Variants in PRKCD observed in about 807,000 individuals in gnomAD.
PRKCD encodes the protein protein kinase C delta.
PRKCD carries 20 observed loss-of-function variants against 82.2 expected under a neutral mutation model. That is an observed-to-expected ratio of 0.24 (90% confidence interval 0.17 to 0.35). The LOEUF is 0.35. Among genes scored for constraint, PRKCD ranks in the 10% least tolerant of loss-of-function variants. The pLI, the probability that PRKCD is intolerant of heterozygous loss-of-function variation, is 1.00. For synonymous variants in PRKCD, 317 were observed against 337.0 expected, an observed-to-expected ratio of 0.94 and a Z score of 0.65; for missense variants, 607 against 899.0, an observed-to-expected ratio of 0.68 and a Z score of 4.15.
At chr3:53,170,164 G>T (rs1702970457) in intron 2 of PRKCD, among the ~76,000 whole-genome samples, 1 of 152,114 alleles carries the variant, frequency 6.6e-6, no homozygotes, top group Non-Finnish European at 1.5e-5. Context: ...AGAAAGAAGG[G>T]CTAAGGAGTA....
intron 1 of PRKCD, among the ~76,000 whole-genome samples, chr3:53,164,094 C>T (rs535307135): frequency 2.6e-5 from 4 of 152,264 alleles, no homozygotes; most frequent in African/African-American, 7.2e-5. Context: ...ATCTGGGGAG[C>T]AGAATCTTTC....
chr3:53,174,971 C>T (rs1328131793), intron 2 of PRKCD, among the ~76,000 whole-genome samples: 1 of 152,214 alleles, frequency 6.6e-6, no homozygotes, highest in Non-Finnish European at 1.5e-5. Context: ...TGGGCAGGTC[C>T]TGGGCTCTGC....
At chr3:53,163,785 C>A (rs1553663434) in intron 1 of PRKCD, among the ~76,000 whole-genome samples, 1 of 152,164 alleles carries the variant, frequency 6.6e-6, no homozygotes, top group Non-Finnish European at 1.5e-5. Flanking sequence ...CCCTTCCCAT[C>A]TCCTTGACCA....
intron 15 of PRKCD, among the ~76,000 whole-genome samples, chr3:53,188,220 G>A (rs1342245154): frequency 1.3e-4 from 9 of 68,316 alleles, no homozygotes; most frequent in Non-Finnish European, 3.0e-4. Context: ...AAAAAGGTGG[G>A]AGCGAGCTGC....
intron 14 of PRKCD, 40 bp downstream of exon 14, chr3:53,186,735 G>A: frequency 6.5e-7 from 1 of 1,541,442 alleles, no homozygotes; most frequent in Non-Finnish European, 8.9e-7. Flanking sequence ...CAGTGTGGAG[G>A]AAGGGCTACT....
chr3:53,179,390 A>C, intron 3 of PRKCD, 187 bp from the exon 4 acceptor site: 1 of 767,010 alleles, frequency 1.3e-6, no homozygotes, highest in Middle Eastern at 3.1e-4. Context: ...CAGCAGGAAC[A>C]AAGGCCTGGA....
chr3:53,161,455 G>A (rs1702653357), intron 1 of PRKCD, 27 bp downstream of exon 1: 1 of 151,840 alleles, frequency 6.6e-6, no homozygotes, highest in Admixed American at 6.6e-5. Context: ...TCCGGGCGCG[G>A]GATCGGGGCT....
Position 53,186,811 on chromosome 3 carries a change from G to A in PRKCD, c.1352+116G>A, listed in dbSNP as rs565886189. ...CCCTCTCCCTAGAAAAGCCAGCCTGGGCTAGAGCGGCAACTGGGGAGATGT... is the reference window on the plus strand; with the variant it reads ...CCCTCTCCCTAGAAAAGCCAGCCTGAGCTAGAGCGGCAACTGGGGAGATGT... On this transcript the variant is annotated intron_variant, in intron 14 of 18. Transcript: ENST00000330452. 30 of 1,090,074 alleles carry A rather than the reference G, an allele frequency of 2.8e-5. No homozygotes were observed. In the African/African-American group the frequency reaches 4.4e-4, roughly 16 times the overall value. The allele number at this position is 1,090,074 out of a possible 1,614,324, so 67.5% of individuals were successfully genotyped here. A position where few individuals can be genotyped will look rare whatever the true frequency, so the allele number is the denominator to read the frequency against.
chr3:53,179,139 C>T (rs1703326906), intron 3 of PRKCD, among the ~76,000 whole-genome samples: 1 of 152,248 alleles, frequency 6.6e-6, no homozygotes, highest in Non-Finnish European at 1.5e-5. Context: ...GCCTTGCCCT[C>T]TTCAGTCTCA....
chr3:53,176,246 G>A (rs1048895701), intron 2 of PRKCD, among the ~76,000 whole-genome samples: 2 of 152,122 alleles, frequency 1.3e-5, no homozygotes, highest in East Asian at 1.9e-4. Flanking sequence ...CACTGAGTAG[G>A]AGCCAGGGCC....
chr3:53,187,463 C>T (rs925369899), intron 15 of PRKCD, 61 bp downstream of exon 15: 42 of 1,561,498 alleles, frequency 2.7e-5, no homozygotes, highest in Non-Finnish European at 3.3e-5. Context: ...ATCATATCTT[C>T]TGAAATGCTC....
At chr3:53,161,850 C>T (rs1304086862) in intron 1 of PRKCD, among the ~76,000 whole-genome samples, 1 of 141,998 alleles carries the variant, frequency 7.0e-6, no homozygotes, top group African/African-American at 2.7e-5. Context: ...TGCTCCATCG[C>T]CCCACCCCCA....
At chr3:53,191,172 C>T (rs1338017680) in intron 18 of PRKCD, among the ~76,000 whole-genome samples, 2 of 152,292 alleles carry the variant, frequency 1.3e-5, no homozygotes, top group South Asian at 2.1e-4. Flanking sequence ...GAGGCTGAGG[C>T]AGGCAGATCA....
Position 53,178,533 on chromosome 3 carries a change from C to T in PRKCD, c.111C>T (p.Ser37=), listed in dbSNP as rs1703301617. ...CCGTGAAGATGAAGGAGGCGCTCAG[C>T]ACAGGTAGGCCTGGAGGCTGGACCC... is the stretch of plus-strand genomic sequence containing the variant. ...FCAVKMKEAL[S]TERGKTLVQK... The change falls in exon 3 of 19, where the codon AGC becomes AGT. Residue 37 remains serine (S), a synonymous_variant. Coordinates refer to ENST00000330452, the MANE Select transcript of PRKCD (RefSeq NM_006254.4). The T allele has an allele frequency of 6.2e-7, 1 of 1,612,074 alleles. No homozygotes were observed. The highest frequency in any genetic ancestry group is 2.2e-5 in the East Asian group (1 of 44,850).
Position 53,183,108 on chromosome 3 carries a change from G to A in PRKCD, c.572-13G>A. The A allele has an allele frequency of 2.5e-6, 4 of 1,614,056 alleles. No individual in the cohort carries two copies. Among genetic ancestry groups the A allele is most frequent in the Middle Eastern group, 1.6e-4 (1 of 6,062 alleles). On this transcript the variant is annotated splice_polypyrimidine_tract_variant and intron_variant, in intron 7 of 18. Transcript: ENST00000330452. Reference sequence around the variant, plus strand: ...GCTTTCCCTTCCCCCTCCTGGGCCTGTGCCTCTTCAAGAATGTAACGCTGC... The same window carrying A: ...GCTTTCCCTTCCCCCTCCTGGGCCTATGCCTCTTCAAGAATGTAACGCTGC...
rs1272424523 is a variant in PRKCD at position 53,169,320 on chromosome 3, C to T, written c.-20+4105C>T. Among the ~76,000 whole-genome samples, 1 of 152,028 alleles carries T rather than the reference C, an allele frequency of 6.6e-6. No individual in the cohort carries two copies. Among genetic ancestry groups the T allele is most frequent in the South Asian group, 2.1e-4 (1 of 4,826 alleles). Reference sequence around the variant, plus strand: ...TCTGGGCCCAAAGTAGAGACGGGAGCCTAAAGCCAGGATTGGGGAGGAGAG... The same window carrying T: ...TCTGGGCCCAAAGTAGAGACGGGAGTCTAAAGCCAGGATTGGGGAGGAGAG... On this transcript the variant is annotated intron_variant, in intron 2 of 18. Coordinates refer to ENST00000330452, the MANE Select transcript of PRKCD (RefSeq NM_006254.4). The surrounding 1 kb of genome is among the most constrained non-coding windows in gnomAD (Gnocchi z 4.7).
chr3:53,168,389 TGAG>T (rs1324393348), intron 2 of PRKCD, among the ~76,000 whole-genome samples: 4 of 151,676 alleles, frequency 2.6e-5, no homozygotes, highest in African/African-American at 9.7e-5. Context: ...TGAGGAGTGT[TGAG>T]GAGTGGTAAG....
At chr3:53,186,581 G>A (rs1398960844) in intron 13 of PRKCD, 23 bp from the exon 14 acceptor site, 38 of 1,596,830 alleles carry the variant, frequency 2.4e-5, no homozygotes, top group Non-Finnish European at 3.1e-5. Context: ...CCTCACCCCT[G>A]CTCACCACCC....
At chr3:53,172,394 C>T (rs797040198) in intron 2 of PRKCD, among the ~76,000 whole-genome samples, 32 of 152,264 alleles carry the variant, frequency 2.1e-4, no homozygotes, top group African/African-American at 7.2e-4. Flanking sequence ...CCGTGACTGC[C>T]GGTACCAGTC....
Sources: allele counts gnomAD v4.1 joint callset (sites outside exome capture counted in the v4.1 genomes callset), GRCh38; gene constraint gnomAD v4.1.1; non-coding constraint Gnocchi (gnomAD v3.1); transcripts MANE v1.5; gene names NCBI Gene and HGNC (gene_info 2026-07-23, HGNC 2026-07-21).